Variants in NAALADL2 observed in about 807,000 individuals in gnomAD.
NAALADL2 encodes N-acetylated alpha-linked acidic dipeptidase like 2, also known as inactive N-acetylated-alpha-linked acidic dipeptidase-like protein 2.
Under a neutral mutation model 87.2 loss-of-function variants are expected in NAALADL2, and 76 were observed. The ratio of observed to expected loss-of-function variants is 0.87; its 90% CI spans 0.72 to 1.05. NAALADL2 has a LOEUF of 1.05. Among genes scored for constraint, NAALADL2 ranks in the 50% least tolerant of loss-of-function variants. The pLI, the probability that NAALADL2 is intolerant of heterozygous loss-of-function variation, is 0.00. For missense variants in NAALADL2, 1,089 were observed against 945.8 expected (o/e 1.15, Z -1.99); for synonymous variants, 354 against 331.0 (o/e 1.07, Z -0.75).
chr3:175,457,657 T>C (rs1295813258), intron 6 of NAALADL2, among the ~76,000 whole-genome samples: 1 of 151,572 alleles, frequency 6.6e-6, no homozygotes, highest in Non-Finnish European at 1.5e-5. Context: ...TAACTAGGAC[T>C]AGAGGCATGC....
chr3:175,422,024 C>G lies in NAALADL2; in HGVS notation c.1091-25205C>G, dbSNP rs80309468. Reference sequence around the variant, plus strand: ...ACAGTGGTAGGAAATAAGGCCAGAGCAGGAAGGACACACCCCATCATAGGC... The same window carrying G: ...ACAGTGGTAGGAAATAAGGCCAGAGGAGGAAGGACACACCCCATCATAGGC... On this transcript the variant is annotated intron_variant, in intron 5 of 13. Coordinates refer to ENST00000454872, the MANE Select transcript of NAALADL2 (RefSeq NM_207015.3). Among the ~76,000 whole-genome samples the G allele has an allele frequency of 2.3e-3, 350 of 152,122 alleles. 1 individual carries two copies. Among genetic ancestry groups the G allele is most frequent in the African/African-American group, 8.3e-3 (343 of 41,514 alleles).
At chr3:175,106,483 C>G (rs771785803) in intron 2 of NAALADL2, among the ~76,000 whole-genome samples, 3 of 152,068 alleles carry the variant, frequency 2.0e-5, no homozygotes, top group Non-Finnish European at 4.4e-5. Flanking sequence ...CCATCCACTT[C>G]TTGATCTTAT....
intron 1 of NAALADL2, among the ~76,000 whole-genome samples, chr3:174,902,350 T>C (rs1202377477): frequency 6.6e-6 from 1 of 152,112 alleles, no homozygotes; most frequent in Non-Finnish European, 1.5e-5. Flanking sequence ...ATAATGTATG[T>C]AAAGTACCTA....
At chr3:175,692,561 G>A (rs9867219) in intron 11 of NAALADL2, among the ~76,000 whole-genome samples, 16,808 of 151,958 alleles carry the variant, frequency 0.11, 986 homozygotes, top group Middle Eastern at 0.16. Context: ...CTTTTTCTCC[G>A]GAAGAAAAGT....
At chr3:174,885,127 G>T (rs1375608083) in intron 1 of NAALADL2, among the ~76,000 whole-genome samples, 1 of 152,040 alleles carries the variant, frequency 6.6e-6, no homozygotes, top group African/African-American at 2.4e-5. Flanking sequence ...TTGTCATTAG[G>T]GTCCTCACAC....
intron 9 of NAALADL2, among the ~76,000 whole-genome samples, chr3:175,497,037 TG>T (rs1728915910): frequency 6.6e-6 from 1 of 152,150 alleles, no homozygotes; most frequent in African/African-American, 2.4e-5. Flanking sequence ...ACTGTATTAA[TG>T]GGATACAAAC....
intron 3 of NAALADL2, among the ~76,000 whole-genome samples, chr3:174,756,148 G>T (rs1044027440): frequency 1.9e-4 from 29 of 152,296 alleles, no homozygotes; most frequent in African/African-American, 6.7e-4. Context: ...GCACTGCAGT[G>T]AGACTTTTAA....
At chr3:175,691,929 G>A (rs886782196) in intron 11 of NAALADL2, among the ~76,000 whole-genome samples, 2 of 151,996 alleles carry the variant, frequency 1.3e-5, no homozygotes, top group African/African-American at 2.4e-5. Flanking sequence ...GCATTTTACG[G>A]TAAACCTTTC....
At chr3:175,078,289 A>G in intron 1 of NAALADL2, among the ~76,000 whole-genome samples, 1 of 152,014 alleles carries the variant, frequency 6.6e-6, no homozygotes, top group East Asian at 1.9e-4. Flanking sequence ...CCTCCCAAAT[A>G]TTGCTGGGAT....
At chr3:175,029,469 G>A (rs962363109) in intron 1 of NAALADL2, among the ~76,000 whole-genome samples, 2 of 152,008 alleles carry the variant, frequency 1.3e-5, no homozygotes, top group African/African-American at 4.8e-5. Flanking sequence ...TGATCCATCA[G>A]AGGGCTTACA....
chr3:174,659,983 T>C (rs1725359071), intron 2 of NAALADL2, among the ~76,000 whole-genome samples: 1 of 152,154 alleles, frequency 6.6e-6, no homozygotes, highest in Admixed American at 6.6e-5. Context: ...TCAGTTTTTC[T>C]TGAGGCAAAA....
chr3:175,006,610 G>A (rs1055889075), intron 1 of NAALADL2, among the ~76,000 whole-genome samples: 6 of 150,100 alleles, frequency 4.0e-5, no homozygotes, highest in African/African-American at 1.5e-4. Flanking sequence ...ATACAACATA[G>A]TTTCTTGTGA....
At chr3:174,549,472 T>C (rs956515684) in intron 1 of NAALADL2, among the ~76,000 whole-genome samples, 2 of 152,214 alleles carry the variant, frequency 1.3e-5, no homozygotes, top group Non-Finnish European at 2.9e-5. Context: ...GTCAATTAAA[T>C]ATGCAAATCT....
chr3:174,987,982 T>C (rs970165312), intron 1 of NAALADL2, among the ~76,000 whole-genome samples: 2 of 151,604 alleles, frequency 1.3e-5, no homozygotes, highest in Non-Finnish European at 2.9e-5. Context: ...TAGAATTTTT[T>C]AGACCATAGC....
At chr3:175,734,573 A>T (rs138905550) in intron 11 of NAALADL2, among the ~76,000 whole-genome samples, 141 of 152,004 alleles carry the variant, frequency 9.3e-4, no homozygotes, top group African/African-American at 3.2e-3. Context: ...AGAAAAAAAA[A>T]GAAATCTAGG....
chr3:175,619,285 AGAAG>A, intron 10 of NAALADL2, among the ~76,000 whole-genome samples: 2 of 151,242 alleles, frequency 1.3e-5, no homozygotes, highest in African/African-American at 4.9e-5. Flanking sequence ...AAAGAAAGAA[AGAAG>A]GAAGGAAGGA....
rs573818840 is a variant in NAALADL2, at chr3:174,787,126, G to T, written c.-9+49380G>T. On this transcript the variant is annotated intron_variant, in intron 3 of 3. Transcript: ENST00000434257. ...GCTTTACAGACATATGAAGTGAAATGACCCATTTTATGAATACATGAAATG... is the reference window on the plus strand; with the variant it reads ...GCTTTACAGACATATGAAGTGAAATTACCCATTTTATGAATACATGAAATG... 6.6e-5 allele frequency among the ~76,000 whole-genome samples: 10 copies of T among 151,902 alleles called. No individual in the cohort carries two copies. The East Asian group carries it at 1.4e-3, about 21-fold the overall frequency.
At chr3:175,114,025 A>G (rs994372571) in intron 2 of NAALADL2, among the ~76,000 whole-genome samples, 7 of 151,632 alleles carry the variant, frequency 4.6e-5, no homozygotes, top group African/African-American at 1.7e-4. Flanking sequence ...AGGTCTTAGT[A>G]ATTTCCTTAA....
intron 2 of NAALADL2, among the ~76,000 whole-genome samples, chr3:175,116,367 T>G (rs1725166411): frequency 6.6e-6 from 1 of 152,122 alleles, no homozygotes; most frequent in African/African-American, 2.4e-5. Flanking sequence ...CTTATGCTGA[T>G]AAGCAAATTC....
Sources: allele counts gnomAD v4.1 joint callset (sites outside exome capture counted in the v4.1 genomes callset), GRCh38; gene constraint gnomAD v4.1.1; transcripts MANE v1.5; gene names NCBI Gene and HGNC (gene_info 2026-07-23, HGNC 2026-07-21).